The following ABHD18 variants were observed in gnomAD, a reference collection of about 807,000 sequenced individuals.
ABHD18 encodes the protein cardiolipin-specific deacylase, mitochondrial.
Under a neutral mutation model 65.9 loss-of-function variants are expected in ABHD18, and 55 were observed. The ratio of observed to expected loss-of-function variants is 0.84; its 90% CI spans 0.67 to 1.05. ABHD18 has a LOEUF of 1.05. ABHD18 is among the 50% of genes least tolerant of loss of function. The pLI, the probability that ABHD18 is intolerant of heterozygous loss-of-function variation, is 0.00. For missense variants in ABHD18, 533 were observed against 558.5 expected (o/e 0.95, Z 0.46); for synonymous variants, 181 against 180.2 (o/e 1.00, Z -0.04).
chr4:128,001,475 A>T (rs533182051), intron 4 of ABHD18, among the ~76,000 whole-genome samples: 6 of 152,306 alleles, frequency 3.9e-5, no homozygotes, highest in African/African-American at 1.4e-4. Context: ...GCATCCCAGG[A>T]ATAAAAGCCC....
intron 1 of ABHD18, among the ~76,000 whole-genome samples, chr4:127,980,367 CTCT>C (rs1748799154): frequency 6.6e-6 from 1 of 152,142 alleles, no homozygotes; most frequent in Admixed American, 6.5e-5. Flanking sequence ...AAGTAAATTT[CTCT>C]TCTTTATAAA....
At chr4:127,984,501 G>A in intron 3 of ABHD18, 78 bp downstream of exon 3, 3 of 752,712 alleles carry the variant, frequency 4.0e-6, no homozygotes, top group East Asian at 2.9e-5. Context: ...ACATATTGGA[G>A]TATAACAACA....
chr4:128,022,228 T>C (rs1336862588), intron 10 of ABHD18, among the ~76,000 whole-genome samples: 1 of 152,218 alleles, frequency 6.6e-6, no homozygotes, highest in Non-Finnish European at 1.5e-5. Flanking sequence ...TAAAGTGTAA[T>C]AATAAAAAAT....
chr4:128,006,480 A>T (rs1234718292), intron 4 of ABHD18, among the ~76,000 whole-genome samples: 3 of 152,134 alleles, frequency 2.0e-5, no homozygotes, highest in African/African-American at 7.2e-5. Flanking sequence ...ACCATTCTAA[A>T]TTTATCTGTC....
At position 128,024,971 on chromosome 4, in the gene ABHD18, C is replaced by T. The variant is rs553723981; in HGVS notation, c.802-3504C>T. On this transcript the variant is annotated intron_variant, in intron 10 of 12. Transcript: ENST00000645843. ...CCTTCCAAAGTGCTGGTATTACAGGCGTGAGCCACTGCGCCCGGCCAACCA... is the reference window on the plus strand; with the variant it reads ...CCTTCCAAAGTGCTGGTATTACAGGTGTGAGCCACTGCGCCCGGCCAACCA... Among the ~76,000 whole-genome samples the T allele has an allele frequency of 4.7e-3, 708 of 151,986 alleles. 4 individuals are homozygous for T. Among genetic ancestry groups the T allele is most frequent in the Middle Eastern group, 0.02 (6 of 294 alleles).
Position 128,030,764 on chromosome 4 carries a change from A to G in ABHD18, c.1343+92A>G, listed in dbSNP as rs190088181. ...CAAATGTAAAAGATCACATATTTTT[A>G]TAGTCTGTTTCAATCTTTGAATTCC... On this transcript the variant is annotated intron_variant, in intron 12 of 12. Coordinates refer to ENST00000645843, the MANE Select transcript of ABHD18 (RefSeq NM_001358451.3). 133 of 1,500,030 alleles carry G rather than the reference A, an allele frequency of 8.9e-5. 1 individual carries two copies. The African/African-American group carries it at 1.7e-3, about 20-fold the overall frequency. The allele number at this position is 1,500,030 out of a possible 1,614,324, so 92.9% of individuals were successfully genotyped here.
intron 8 of ABHD18, among the ~76,000 whole-genome samples, chr4:128,018,904 C>T (rs1755990701): frequency 1.3e-5 from 2 of 151,350 alleles, no homozygotes; most frequent in South Asian, 2.1e-4. Flanking sequence ...ATCCCAGCTA[C>T]TCAGGAGGCT....
intron 4 of ABHD18, among the ~76,000 whole-genome samples, chr4:128,008,594 A>T (rs2149131391): frequency 6.6e-6 from 1 of 152,108 alleles, no homozygotes; most frequent in Non-Finnish European, 1.5e-5. Flanking sequence ...TTCTTTTAAG[A>T]CTTACTCATA....
chr4:127,999,878 C>T (rs113532884), intron 4 of ABHD18, among the ~76,000 whole-genome samples: 7 of 151,984 alleles, frequency 4.6e-5, no homozygotes, highest in African/African-American at 7.3e-5. Context: ...TTAGTTTGCA[C>T]GCTGCTGATA....
In ABHD18 at chr4:128,000,152, G is replaced by A. The variant is rs555813331; in HGVS notation, c.279-8768G>A. On this transcript the variant is annotated intron_variant, in intron 4 of 12. Transcript: ENST00000645843. ...TCCCACCAGGTCCCTCCCAAAACAC[G>A]TGGGAATTCAAGATGAGATTTGGGT... Among the ~76,000 whole-genome samples, 37 of 152,294 alleles carry A rather than the reference G, an allele frequency of 2.4e-4. No homozygotes were observed. In the South Asian group the frequency reaches 6.6e-3, roughly 27 times the overall value.
Position 128,028,853 on chromosome 4 carries a change from G to T in ABHD18, c.1180G>T (p.Val394Phe). ...DECTHVANFS[V>F]PVDPSLIIVV... ...ATGTACTCATGTAGCAAATTTCTCA[G>T]GTACTAATTTTTATATGAAATTGAG... The change falls in exon 11 of 13, where the codon GTC (valine) becomes TTC (phenylalanine). Residue 394 changes from valine (V) to phenylalanine (F), a missense_variant and splice_region_variant. By Grantham distance (50) the Val-to-Phe change is conservative. Transcript: ENST00000645843. 1 of 1,526,036 alleles carries T rather than the reference G, an allele frequency of 6.6e-7. No individual in the cohort carries two copies. Among genetic ancestry groups the T allele is most frequent in the Non-Finnish European group, 8.8e-7 (1 of 1,139,634 alleles). The allele number at this position is 1,526,036 out of a possible 1,614,324, so 94.5% of individuals were successfully genotyped here.
At chr4:128,001,636 G>T (rs997432272) in intron 4 of ABHD18, 73 of 1,415,324 alleles carry the variant, frequency 5.2e-5, no homozygotes, top group Admixed American at 5.0e-4. Context: ...TTAACCCCTT[G>T]CCTACTTATG....
rs368728473 is a variant in ABHD18 at position 128,037,441 on chromosome 4, A to G, written c.*1628A>G. The G allele has an allele frequency of 1.3e-5, 2 of 151,898 alleles. No homozygotes were observed. Among genetic ancestry groups the G allele is most frequent in the East Asian group, 2.0e-4 (1 of 5,074 alleles). 9.4% of individuals were successfully genotyped at this position (151,898 alleles called of 1,614,324 possible). A position where few individuals can be genotyped will look rare whatever the true frequency, so the allele number is the denominator to read the frequency against. On this transcript the variant is annotated 3_prime_UTR_variant, in exon 13 of 13. Coordinates refer to ENST00000645843, the MANE Select transcript of ABHD18 (RefSeq NM_001358451.3). ...CTGCGACCTCCGCCTCTCAGGTTCA[A>G]GCGGTTCTCCTGCCTCCACCTGAGT... is the stretch of plus-strand genomic sequence containing the variant.
rs1436776623 is a variant in ABHD18, at chr4:128,037,418, G to A, written c.*1605G>A. 1.3e-5 allele frequency: 2 copies of A among 152,012 alleles called. No homozygotes were observed. The highest frequency in any genetic ancestry group is 1.3e-4 in the Admixed American group (2 of 15,246). 9.4% of individuals were successfully genotyped at this position (152,012 alleles called of 1,614,324 possible). On this transcript the variant is annotated 3_prime_UTR_variant, in exon 13 of 13. Coordinates refer to ENST00000645843, the MANE Select transcript of ABHD18 (RefSeq NM_001358451.3). Reference sequence around the variant, plus strand: ...TGCAGTGGCATGATCTTGGCTCACTGCGACCTCCGCCTCTCAGGTTCAAGC... The same window carrying A: ...TGCAGTGGCATGATCTTGGCTCACTACGACCTCCGCCTCTCAGGTTCAAGC...
At chr4:127,979,246 C>G (rs904106831) in intron 1 of ABHD18, among the ~76,000 whole-genome samples, 1 of 152,140 alleles carries the variant, frequency 6.6e-6, no homozygotes, top group African/African-American at 2.4e-5. Context: ...AGTAGTTACT[C>G]TCTTCCAAGT....
intron 10 of ABHD18, 138 bp from the exon 11 acceptor site, chr4:128,028,337 T>A: frequency 1.6e-6 from 1 of 644,868 alleles, no homozygotes; most frequent in East Asian, 3.1e-5. Context: ...TGCATAATGT[T>A]TAATTGTTTG....
At chr4:128,003,909 A>T (rs1389042352) in intron 4 of ABHD18, among the ~76,000 whole-genome samples, 1 of 150,318 alleles carries the variant, frequency 6.7e-6, no homozygotes, top group Non-Finnish European at 1.5e-5. Flanking sequence ...ATGCCACTGC[A>T]CTTCAGCCTG....
In ABHD18 at chr4:127,976,195, T is replaced by A. The variant is rs1049873708; in HGVS notation, c.-17-6744T>A. Among the ~76,000 whole-genome samples the A allele has an allele frequency of 2.0e-5, 3 of 152,316 alleles. No homozygotes were observed. In the East Asian group the frequency reaches 5.8e-4, roughly 29 times the overall value. The stretch of plus-strand genomic sequence containing the variant: ...TGTTATATTTGTGTCATACCTATGA[T>A]TTATTTGATTTTCTAACCCAGGGGT... On this transcript the variant is annotated intron_variant, in intron 1 of 12. Transcript: ENST00000645843.
At chr4:127,977,514 A>G (rs1748183651) in intron 1 of ABHD18, among the ~76,000 whole-genome samples, 1 of 152,220 alleles carries the variant, frequency 6.6e-6, no homozygotes, top group Admixed American at 6.5e-5. Context: ...TCTGTTTTAA[A>G]GACAGTTATA....
Sources: allele counts gnomAD v4.1 joint callset (sites outside exome capture counted in the v4.1 genomes callset), GRCh38; gene constraint gnomAD v4.1.1; transcripts MANE v1.5; gene names NCBI Gene and HGNC (gene_info 2026-07-23, HGNC 2026-07-21).